ATP9B: variants seen among roughly 807,000 people sequenced by gnomAD.
The protein encoded by ATP9B is probable phospholipid-transporting ATPase IIB.
A neutral mutation model predicts 146.1 loss-of-function variants in ATP9B; 110 were observed. The observed-to-expected ratio is 0.75, with a 90% confidence interval of 0.65 to 0.88. ATP9B has a LOEUF of 0.88. Ranked by LOEUF, ATP9B falls within the 40% of genes least tolerant of loss-of-function variation. ATP9B has a pLI of 0.00. For synonymous variants in ATP9B, 604 were observed against 569.7 expected, an observed-to-expected ratio of 1.06 and a Z score of -0.86; for missense variants, 1,499 against 1,496.4, an observed-to-expected ratio of 1.00 and a Z score of -0.03.
chr18:79,154,872 G>T (rs1379651993), intron 7 of ATP9B, among the ~76,000 whole-genome samples: 1 of 152,036 alleles, frequency 6.6e-6, no homozygotes, highest in Non-Finnish European at 1.5e-5. Context: ...AATTTTCTTT[G>T]AATGACAGTA....
intron 25 of ATP9B, among the ~76,000 whole-genome samples, chr18:79,348,586 AAGAG>A (rs2096905164): frequency 6.6e-6 from 1 of 152,242 alleles, no homozygotes; most frequent in Non-Finnish European, 1.5e-5. Context: ...GCCAGCAGCA[AAGAG>A]AGAACAGGAA....
chr18:79,263,866 C>T (rs1394196909), intron 12 of ATP9B, among the ~76,000 whole-genome samples: 3 of 152,156 alleles, frequency 2.0e-5, no homozygotes, highest in South Asian at 2.1e-4. Flanking sequence ...GGGTGGATCA[C>T]GAGGTCAGGA....
intron 2 of ATP9B, among the ~76,000 whole-genome samples, chr18:79,108,579 G>A (rs373002960): frequency 2.6e-5 from 4 of 152,152 alleles, no homozygotes; most frequent in Non-Finnish European, 5.9e-5. Context: ...TGTGTGCTGC[G>A]GTAGAAGTTC....
intron 10 of ATP9B, among the ~76,000 whole-genome samples, chr18:79,208,183 T>C (rs2095552759): frequency 6.6e-6 from 1 of 152,182 alleles, no homozygotes; most frequent in Admixed American, 6.5e-5. Context: ...AGCCGGAGCT[T>C]GCAGTGAACC....
At chr18:79,265,267 G>A (rs1368497218) in intron 12 of ATP9B, among the ~76,000 whole-genome samples, 1 of 152,082 alleles carries the variant, frequency 6.6e-6, no homozygotes, top group Non-Finnish European at 1.5e-5. Context: ...CTTTTTTATG[G>A]CTGTATAGTA....
chr18:79,245,763 GCCCTACTGACTGAGGAGGGCACCA>G (rs1568483552), intron 11 of ATP9B, among the ~76,000 whole-genome samples: 18 of 96,934 alleles, frequency 1.9e-4, no homozygotes, highest in Admixed American at 1.2e-3. Context: ...GGAGGGCACC[GCCCTACTGACTGAGGAGGGCACCA>G]CCCTACTGAC....
At chr18:79,291,038 C>G (rs1438437833) in intron 13 of ATP9B, among the ~76,000 whole-genome samples, 1 of 152,194 alleles carries the variant, frequency 6.6e-6, no homozygotes, top group African/African-American at 2.4e-5. Flanking sequence ...CTACTCGGCT[C>G]AGTCATGGAT....
At chr18:79,090,368 G>T (rs530112973) in intron 1 of ATP9B, among the ~76,000 whole-genome samples, 34 of 152,276 alleles carry the variant, frequency 2.2e-4, no homozygotes, top group African/African-American at 6.5e-4. Context: ...CACAGTGATT[G>T]TACTAATTTA....
intron 13 of ATP9B, among the ~76,000 whole-genome samples, chr18:79,288,465 T>G (rs2096466798): frequency 6.6e-6 from 1 of 152,160 alleles, no homozygotes; most frequent in Non-Finnish European, 1.5e-5. Context: ...TCCATTTGCT[T>G]GGTAGATCTT....
intron 6 of ATP9B, among the ~76,000 whole-genome samples, chr18:79,151,522 A>G (rs776162982): frequency 6.6e-6 from 1 of 152,152 alleles, no homozygotes; most frequent in Non-Finnish European, 1.5e-5. Flanking sequence ...TTCTTGGTGC[A>G]TACATCCACA....
At chr18:79,360,517 C>CT (rs778471058) in intron 26 of ATP9B, 5 of 152,194 alleles carry the variant, frequency 3.3e-5, no homozygotes, top group African/African-American at 9.6e-5. Flanking sequence ...AAACGATACT[C>CT]TATCTAATAC....
At chr18:79,315,693 G>A (rs79188717) in intron 15 of ATP9B, among the ~76,000 whole-genome samples, 1,607 of 152,250 alleles carry the variant, frequency 0.011, 75 homozygotes, top group East Asian at 0.1. Flanking sequence ...GAATTGCCCC[G>A]TATTTTGTAT....
At chr18:79,242,540 A>G (rs2095899818) in intron 11 of ATP9B, among the ~76,000 whole-genome samples, 1 of 152,244 alleles carries the variant, frequency 6.6e-6, no homozygotes, top group African/African-American at 2.4e-5. Flanking sequence ...AACATTGCAT[A>G]TTAACATTTT....
At chr18:79,352,896 G>C (rs1212351002) in intron 25 of ATP9B, 1 of 152,234 alleles carries the variant, frequency 6.6e-6, no homozygotes, top group Non-Finnish European at 1.5e-5. Context: ...TAAAAAGGCA[G>C]ACAAGAGTAA....
At chr18:79,345,278 G>T in intron 21 of ATP9B, 150 bp from the exon 22 acceptor site, 1 of 913,122 alleles carries the variant, frequency 1.1e-6, no homozygotes, top group Middle Eastern at 2.3e-4. Context: ...CTGTCCGTGA[G>T]TCCTGTGAAA....
intron 25 of ATP9B, among the ~76,000 whole-genome samples, chr18:79,350,545 A>G (rs1444816927): frequency 1.3e-5 from 2 of 152,140 alleles, no homozygotes; most frequent in Non-Finnish European, 1.5e-5. Flanking sequence ...TCATGACTCT[A>G]CGTGACCAAA....
At chr18:79,268,687 A>G (rs533262145) in intron 12 of ATP9B, among the ~76,000 whole-genome samples, 1 of 152,326 alleles carries the variant, frequency 6.6e-6, no homozygotes, top group South Asian at 2.1e-4. Context: ...AAACCTAACA[A>G]TATCACTGAT....
intron 9 of ATP9B, among the ~76,000 whole-genome samples, chr18:79,205,719 G>A (rs1029062152): frequency 2.6e-5 from 4 of 152,092 alleles, no homozygotes; most frequent in Admixed American, 1.3e-4. Flanking sequence ...TTACCGAAAT[G>A]TAGGCCATGA....
At chr18:79,260,825 C>T (rs2096133057) in intron 12 of ATP9B, among the ~76,000 whole-genome samples, 1 of 152,240 alleles carries the variant, frequency 6.6e-6, no homozygotes, top group Non-Finnish European at 1.5e-5. Flanking sequence ...AGACACAGTT[C>T]TTCTATTATT....
Sources: gnomAD v4.1 joint callset for allele counts (sites outside exome capture counted in the v4.1 genomes callset) on GRCh38, gnomAD v4.1.1 for gene constraint, MANE v1.5 for transcripts, NCBI Gene and HGNC (gene_info 2026-07-23, HGNC 2026-07-21) for gene names.